GPHN: variants seen among roughly 807,000 people sequenced by gnomAD.
GPHN encodes the protein gephyrin.
Under a neutral mutation model 95.5 loss-of-function variants are expected in GPHN, and 17 were observed. That is an observed-to-expected ratio of 0.18 (90% CI 0.12 to 0.27). The LOEUF (loss-of-function observed/expected upper bound fraction) is 0.27. Among genes scored for constraint, GPHN ranks in the 10% least tolerant of loss-of-function variants. GPHN has a pLI of 1.00. For synonymous variants in GPHN, 320 were observed against 322.5 expected, an observed-to-expected ratio of 0.99 and a Z score of 0.08; for missense variants, 660 against 978.1, an observed-to-expected ratio of 0.67 and a Z score of 4.34.
intron 2 of GPHN, among the ~76,000 whole-genome samples, chr14:66,682,650 T>A (rs2067010855): frequency 6.6e-6 from 1 of 152,090 alleles, no homozygotes; most frequent in African/African-American, 2.4e-5. Context: ...CTTGGGAGGC[T>A]GAGGCAGGAG....
At chr14:66,734,436 G>GT (rs1214060851) in intron 2 of GPHN, among the ~76,000 whole-genome samples, 1 of 152,068 alleles carries the variant, frequency 6.6e-6, no homozygotes, top group East Asian at 1.9e-4. Flanking sequence ...TTTTTCTCCA[G>GT]TTTTTTACTT....
the GPHN span, among the ~76,000 whole-genome samples, chr14:67,665,810 G>A: frequency 6.6e-6 from 1 of 152,016 alleles, no homozygotes. Context: ...AGATACTTCA[G>A]ACAATTTTCT....
chr14:67,278,757 T>C, the GPHN span, among the ~76,000 whole-genome samples: 1 of 152,222 alleles, frequency 6.6e-6, no homozygotes, highest in Non-Finnish European at 1.5e-5. Flanking sequence ...TTTGCTAAAC[T>C]TTCCAGTATT....
chr14:67,562,973 G>T, the GPHN span: 1 of 1,423,602 alleles, frequency 7.0e-7, no homozygotes, highest in South Asian at 1.4e-5. Context: ...GCCATGCACT[G>T]AGCAGGAGAG....
At chr14:66,548,639 T>G (rs2059696064) in intron 1 of GPHN, among the ~76,000 whole-genome samples, 2 of 152,194 alleles carry the variant, frequency 1.3e-5, no homozygotes, top group Admixed American at 1.3e-4. Context: ...ATTCCCTGAG[T>G]ATTGAAATTA....
chr14:66,903,554 C>T (rs1367495459), intron 5 of GPHN, among the ~76,000 whole-genome samples: 8 of 152,138 alleles, frequency 5.3e-5, no homozygotes. Flanking sequence ...AAGTGGATTT[C>T]CTGTAGGTAA....
chr14:66,852,159 GA>G (rs1199799035), intron 4 of GPHN, among the ~76,000 whole-genome samples: 3 of 152,170 alleles, frequency 2.0e-5, no homozygotes, highest in Admixed American at 6.5e-5. Flanking sequence ...TGAACTTACA[GA>G]AAAACAGATA....
At chr14:66,591,875 T>C (rs1463229894) in intron 1 of GPHN, among the ~76,000 whole-genome samples, 1 of 152,144 alleles carries the variant, frequency 6.6e-6, no homozygotes, top group African/African-American at 2.4e-5. Flanking sequence ...AGAACAAAGC[T>C]GGAGGCATCA....
intron 18 of GPHN, 53 bp downstream of exon 18, chr14:67,143,502 G>A: frequency 1.8e-6 from 2 of 1,113,706 alleles, no homozygotes; most frequent in Middle Eastern, 2.0e-4. Context: ...TCTTGCATAT[G>A]GTCGATTAAC....
chr14:67,642,676 T>A, the GPHN span, among the ~76,000 whole-genome samples: 10 of 152,290 alleles, frequency 6.6e-5, no homozygotes, highest in African/African-American at 2.2e-4. Flanking sequence ...TCTTGAGACT[T>A]ATCTTATGAC....
chr14:67,362,372 GA>G, the GPHN span, among the ~76,000 whole-genome samples: 1 of 150,546 alleles, frequency 6.6e-6, no homozygotes, highest in Non-Finnish European at 1.5e-5. Context: ...AGTAGCTACT[GA>G]AAAAAAAATT....
chr14:67,514,472 C>T, the GPHN span, among the ~76,000 whole-genome samples: 1 of 152,110 alleles, frequency 6.6e-6, no homozygotes, highest in African/African-American at 2.4e-5. Flanking sequence ...GGGCTGGGCC[C>T]CAGGACACGG....
chr14:66,816,366 C>T (rs144380514), intron 3 of GPHN, among the ~76,000 whole-genome samples: 77 of 152,318 alleles, frequency 5.1e-4, no homozygotes, highest in African/African-American at 1.6e-3. Context: ...CTTATTGTCA[C>T]ATGGCATATA....
chr14:66,688,851 G>A (rs1396631641), intron 2 of GPHN, among the ~76,000 whole-genome samples: 1 of 150,898 alleles, frequency 6.6e-6, no homozygotes, highest in Non-Finnish European at 1.5e-5. Context: ...ACTCATAAGT[G>A]GGAGTTTAAC....
chr14:67,060,250 A>G (rs993530166), intron 11 of GPHN, among the ~76,000 whole-genome samples: 3 of 150,060 alleles, frequency 2.0e-5, no homozygotes, highest in Non-Finnish European at 4.4e-5. Flanking sequence ...TTTTTCCTCC[A>G]GAGAAAAATG....
chr14:67,656,799 C>G, the GPHN span, among the ~76,000 whole-genome samples: 1 of 152,152 alleles, frequency 6.6e-6, no homozygotes, highest in Admixed American at 6.5e-5. Flanking sequence ...ACAATACCCC[C>G]ACTCCACTGC....
chr14:67,193,893 A>G, the GPHN span, among the ~76,000 whole-genome samples: 1 of 145,482 alleles, frequency 6.9e-6, no homozygotes, highest in South Asian at 2.2e-4. Flanking sequence ...TGCAGTGAGC[A>G]ATGATCACAC....
chr14:66,815,216 G>T (rs571622162), intron 3 of GPHN, among the ~76,000 whole-genome samples: 20 of 152,274 alleles, frequency 1.3e-4, no homozygotes, highest in Admixed American at 1.2e-3. Flanking sequence ...AAGAGATGGG[G>T]ATAATGGAAC....
At chr14:67,460,777 T>C in the GPHN span, among the ~76,000 whole-genome samples, 3 of 152,160 alleles carry the variant, frequency 2.0e-5, no homozygotes, top group Non-Finnish European at 4.4e-5. Flanking sequence ...GTAGAAATAA[T>C]GATGTGTTTG....
Sources: allele counts gnomAD v4.1 joint callset (sites outside exome capture counted in the v4.1 genomes callset), GRCh38; gene constraint gnomAD v4.1.1; transcripts MANE v1.5; gene names NCBI Gene and HGNC (gene_info 2026-07-23, HGNC 2026-07-21).